Variants in UBA6 observed in about 807,000 individuals in gnomAD.
UBA6 encodes ubiquitin-like modifier-activating enzyme 6.
UBA6 carries 87 observed loss-of-function variants against 148.3 expected under a neutral mutation model. The observed-to-expected ratio is 0.59, with a 90% CI of 0.49 to 0.70. The LOEUF is 0.70. Ranked by LOEUF, UBA6 falls within the 30% of genes least tolerant of loss-of-function variation. UBA6 has a pLI of 0.00. For missense variants in UBA6, 1,186 were observed against 1,241.2 expected (o/e 0.96, Z 0.67); for synonymous variants, 376 against 401.0 (o/e 0.94, Z 0.75).
chr4:67,696,750 T>G (rs1431342737), intron 1 of UBA6, 43 bp from the exon 2 acceptor site: 5 of 1,482,776 alleles, frequency 3.4e-6, no homozygotes, highest in Non-Finnish European at 4.7e-6. Context: ...CATTTTATAA[T>G]GTAATATTTG....
At chr4:67,693,675 G>A (rs1190044609) in intron 2 of UBA6, among the ~76,000 whole-genome samples, 3 of 152,140 alleles carry the variant, frequency 2.0e-5, no homozygotes, top group Non-Finnish European at 4.4e-5. Flanking sequence ...TATAGTATTT[G>A]GACTTGTACT....
intron 16 of UBA6, among the ~76,000 whole-genome samples, chr4:67,645,118 A>T (rs555778825): frequency 6.6e-6 from 1 of 152,346 alleles, no homozygotes; most frequent in Admixed American, 6.5e-5. Context: ...AAAATTGATA[A>T]TACTAGATTC....
chr4:67,635,018 G>C (rs867440228), intron 20 of UBA6, among the ~76,000 whole-genome samples: 1 of 152,018 alleles, frequency 6.6e-6, no homozygotes, highest in Admixed American at 6.6e-5. Context: ...GTTTTTTGTG[G>C]ATAAAGTACC....
chr4:67,653,899 T>A (rs1397047518), intron 13 of UBA6, among the ~76,000 whole-genome samples: 1 of 152,202 alleles, frequency 6.6e-6, no homozygotes, highest in Non-Finnish European at 1.5e-5. Flanking sequence ...TGCACAAGCT[T>A]CAATAGCTGA....
chr4:67,700,980 A>T, intron 1 of UBA6, 69 bp downstream of exon 1: 1 of 1,591,110 alleles, frequency 6.3e-7, no homozygotes, highest in Non-Finnish European at 8.6e-7. Context: ...CGCCGGAAAG[A>T]AAGAAGCAGA....
chr4:67,647,984 A>G (rs1729461104), intron 14 of UBA6, among the ~76,000 whole-genome samples: 1 of 151,230 alleles, frequency 6.6e-6, no homozygotes, highest in Non-Finnish European at 1.5e-5. Flanking sequence ...CATGTTAGCC[A>G]GGATGGTCTT....
intron 4 of UBA6, among the ~76,000 whole-genome samples, chr4:67,679,589 A>G (rs1730381278): frequency 6.6e-6 from 1 of 152,106 alleles, no homozygotes; most frequent in South Asian, 2.1e-4. Context: ...TATTAACAAT[A>G]TTGGAATTGG....
At chr4:67,652,602 G>A (rs1238518369) in intron 13 of UBA6, among the ~76,000 whole-genome samples, 3 of 152,186 alleles carry the variant, frequency 2.0e-5, no homozygotes, top group African/African-American at 4.8e-5. Flanking sequence ...AGCTCCCAGC[G>A]AGATCGATGC....
intron 16 of UBA6, among the ~76,000 whole-genome samples, chr4:67,645,593 T>C (rs1258511668): frequency 3.3e-5 from 5 of 150,270 alleles, no homozygotes; most frequent in Non-Finnish European, 7.4e-5. Flanking sequence ...CGAGACTTTG[T>C]CTCAGAAAAA....
intron 4 of UBA6, among the ~76,000 whole-genome samples, chr4:67,681,019 A>G (rs1009281341): frequency 6.6e-6 from 1 of 152,020 alleles, no homozygotes; most frequent in Non-Finnish European, 1.5e-5. Flanking sequence ...TAATACCTTG[A>G]CTGCAGCCTT....
Position 67,619,035 on chromosome 4 carries a change from G to A in UBA6, c.3121C>T (p.Pro1041Ser). 1 of 1,613,898 alleles carries A rather than the reference G, an allele frequency of 6.2e-7. No homozygotes were observed. The highest frequency in any genetic ancestry group is 8.5e-7 in the Non-Finnish European group (1 of 1,179,880). ...DIDGDEDLPGPPVRYYFSHDT... is the reference protein window; with the variant it reads ...DIDGDEDLPGSPVRYYFSHDT... The stretch of plus-strand genomic sequence containing the variant: ...TGACTGAAGTAGTATCTTACTGGAG[G>A]TCCCGGCAAATCTTCATCTCCATCA... Residue 1041 changes from proline to serine, a missense_variant, in exon 33 of 33, where the codon CCT becomes TCT. Coordinates refer to ENST00000322244, the MANE Select transcript of UBA6 (RefSeq NM_018227.6).
rs572960223 is a variant in UBA6, at chr4:67,618,650, GT to G, written c.*346del. The G allele has an allele frequency of 7.0e-3, 1,195 of 170,404 alleles. 21 individuals carry two copies. Among genetic ancestry groups the G allele is most frequent in the Non-Finnish European group, 8.0e-3 (642 of 80,216 alleles). 10.6% of individuals were successfully genotyped at this position (170,404 alleles called of 1,614,324 possible). On this transcript the variant is annotated 3_prime_UTR_variant, in exon 33 of 33. Coordinates refer to ENST00000322244, the MANE Select transcript of UBA6 (RefSeq NM_018227.6). Reference sequence around the variant, plus strand: ...TTAAACTTTTTGAATAGTTGCATTCGTTGCTTTCAATTTCTTCATCCATATC... The same window carrying G: ...TTAAACTTTTTGAATAGTTGCATTCGTGCTTTCAATTTCTTCATCCATATC...
intron 16 of UBA6, 96 bp downstream of exon 16, chr4:67,645,842 G>T: frequency 1.7e-6 from 1 of 602,246 alleles, no homozygotes; most frequent in Non-Finnish European, 2.8e-6. Flanking sequence ...CTACTCACCT[G>T]TACTCTACAC....
At chr4:67,649,549 GA>G (rs1729503556) in intron 13 of UBA6, among the ~76,000 whole-genome samples, 1 of 151,960 alleles carries the variant, frequency 6.6e-6, no homozygotes, top group Non-Finnish European at 1.5e-5. Context: ...CAAATAAACA[GA>G]TTTTTTTTAA....
At chr4:67,626,041 T>C (rs781329521) in intron 28 of UBA6, among the ~76,000 whole-genome samples, 146 of 152,034 alleles carry the variant, frequency 9.6e-4, no homozygotes, top group Non-Finnish European at 1.8e-3. Context: ...TTTTAATTCC[T>C]TAAAAACAGA....
Position 67,622,918 on chromosome 4 carries a change from T to C in UBA6, c.2936A>G (p.Tyr979Cys), listed in dbSNP as rs749576540. 28 of 1,607,570 alleles carry C rather than the reference T, an allele frequency of 1.7e-5. No homozygotes were observed. In the South Asian group the frequency reaches 3.0e-4, roughly 17 times the overall value. The change falls in exon 32 of 33, where the codon TAT becomes TGT. Residue 979 changes from tyrosine (Y) to cysteine (C), a missense_variant. By Grantham distance (194) the Tyr-to-Cys change is radical. Coordinates refer to ENST00000322244, the MANE Select transcript of UBA6 (RefSeq NM_018227.6). Reference sequence around the variant, plus strand: ...TACCACCATTGTTGGCTCAATTCCATACTTCTCCTAAAAGTGAATATCCAA... The same window carrying C: ...TACCACCATTGTTGGCTCAATTCCACACTTCTCCTAAAAGTGAATATCCAA... ...LDFINAVKEK[Y>C]GIEPTMVVQG... is the part of the protein sequence containing the mutation.
intron 7 of UBA6, among the ~76,000 whole-genome samples, chr4:67,670,907 A>G (rs1400540429): frequency 6.6e-6 from 1 of 152,194 alleles, no homozygotes; most frequent in Non-Finnish European, 1.5e-5. Context: ...CACAACATAA[A>G]AGAAATAGAT....
rs1729961521 is a variant in UBA6, at chr4:67,665,182, T to C, written c.897+7A>G. ...AATGTTTTTTAAGCCGAAAAAAAAA[T>C]ACTTACAAAAAAAACTGTTTTAGGA... is the stretch of plus-strand genomic sequence containing the variant. On this transcript the variant is annotated splice_region_variant and intron_variant, in intron 10 of 32. Transcript: ENST00000322244. The C allele has an allele frequency of 6.5e-7, 1 of 1,526,722 alleles. No individual in the cohort carries two copies. The highest frequency in any genetic ancestry group is 8.8e-7 in the Non-Finnish European group (1 of 1,135,570). The allele number at this position is 1,526,722 out of a possible 1,614,324, so 94.6% of individuals were successfully genotyped here. A position where few individuals can be genotyped will look rare whatever the true frequency, so the allele number is the denominator to read the frequency against.
Position 67,616,006 on chromosome 4 carries a change from G to A in UBA6, c.*2991C>T, listed in dbSNP as rs2109887874. 2.6e-6 allele frequency: 1 copy of A among 378,156 alleles called. No individual in the cohort carries two copies. Among genetic ancestry groups the A allele is most frequent in the East Asian group, 3.7e-5 (1 of 27,182 alleles). 23.4% of individuals were successfully genotyped at this position (378,156 alleles called of 1,614,324 possible). A position where few individuals can be genotyped will look rare whatever the true frequency, so the allele number is the denominator to read the frequency against. On this transcript the variant is annotated 3_prime_UTR_variant, in exon 33 of 33. Coordinates refer to ENST00000322244, the MANE Select transcript of UBA6 (RefSeq NM_018227.6). ...TATAGTTGCTTTAAAATTATTCCTT[G>A]AACTGCATATTTATATTTTATGTAT...
Sources: allele counts gnomAD v4.1 joint callset (sites outside exome capture counted in the v4.1 genomes callset), GRCh38; gene constraint gnomAD v4.1.1; transcripts MANE v1.5; gene names NCBI Gene and HGNC (gene_info 2026-07-23, HGNC 2026-07-21).